The following COL12A1 variants were observed in gnomAD, a reference collection of about 807,000 sequenced individuals.
The protein encoded by COL12A1 is collagen alpha-1(XII) chain.
A neutral mutation model predicts 349.7 loss-of-function variants in COL12A1; 114 were observed. The ratio of observed to expected loss-of-function variants is 0.33; its 90% CI spans 0.28 to 0.38. The LOEUF is 0.38. COL12A1 is among the 10% of genes least tolerant of loss of function. The pLI is 1.00. For synonymous variants in COL12A1, 1,369 were observed against 1,329.0 expected (o/e 1.03, Z -0.66); for missense variants, 3,284 against 3,756.9 (o/e 0.87, Z 3.29).
chr6:75,155,431 A>C (rs1016996120), intron 16 of COL12A1, among the ~76,000 whole-genome samples: 1 of 152,158 alleles, frequency 6.6e-6, no homozygotes, highest in Non-Finnish European at 1.5e-5. Context: ...AAAATTATTA[A>C]ACATTACAAA....
intron 49 of COL12A1, 76 bp from the exon 50 acceptor site, chr6:75,113,820 A>C (rs956125429): frequency 7.0e-5 from 77 of 1,093,522 alleles, no homozygotes; most frequent in Non-Finnish European, 9.5e-5. Context: ...TGATTGCTTT[A>C]ACATCAAGAA....
rs1458327179 is a variant in COL12A1 at position 75,161,525 on chromosome 6, A to G, written c.2983+3982T>C. Among the ~76,000 whole-genome samples, 4 of 152,090 alleles carry G rather than the reference A, an allele frequency of 2.6e-5. No homozygotes were observed. In the South Asian group the frequency reaches 6.2e-4, roughly 24 times the overall value. On this transcript the variant is annotated intron_variant, in intron 14 of 65. Transcript: ENST00000322507. The stretch of plus-strand genomic sequence containing the variant: ...CCTGCCACGTCTGCTCCTTGTTCAA[A>G]AGAGGCCTCCCACAGCCAATATCAT...
intron 56 of COL12A1, among the ~76,000 whole-genome samples, 191 bp from the exon 57 acceptor site, chr6:75,102,243 C>T (rs970516786): frequency 2.0e-5 from 3 of 152,170 alleles, no homozygotes; most frequent in East Asian, 3.8e-4. Flanking sequence ...CTTTAAACTA[C>T]AAATGCTGTG....
At chr6:75,173,048 G>T (rs1379182961) in intron 13 of COL12A1, among the ~76,000 whole-genome samples, 7 of 152,182 alleles carry the variant, frequency 4.6e-5, no homozygotes, top group Non-Finnish European at 8.8e-5. Context: ...TTAGATATCA[G>T]ATCTAAAGTT....
intron 10 of COL12A1, among the ~76,000 whole-genome samples, chr6:75,181,666 A>G (rs951078619): frequency 3.9e-5 from 6 of 152,216 alleles, no homozygotes; most frequent in African/African-American, 1.4e-4. Context: ...CAACAACAAA[A>G]TATGTATTAA....
rs554348257 is a variant in COL12A1, at chr6:75,175,144, C to T, written c.2604G>A (p.Thr868=). 13 of 1,614,010 alleles carry T rather than the reference C, an allele frequency of 8.1e-6. No individual in the cohort carries two copies. The highest frequency in any genetic ancestry group is 5.0e-5 in the Admixed American group (3 of 59,988). Residue 868 remains threonine (T), a synonymous_variant, in exon 13 of 66, where the codon ACG becomes ACA. Coordinates refer to ENST00000322507, the MANE Select transcript of COL12A1 (RefSeq NM_004370.6). ...EVTVRGDTTN[T]VLQGLKEGTQ... The stretch of plus-strand genomic sequence containing the variant: ...TCCCTTCCTTCAATCCCTGCAGCAC[C>T]GTATTGGTTGTATCTCCCCTCACAG...
chr6:75,177,444 A>T (rs1769020408), intron 12 of COL12A1, among the ~76,000 whole-genome samples: 3 of 152,140 alleles, frequency 2.0e-5, no homozygotes, highest in Non-Finnish European at 4.4e-5. Flanking sequence ...AAAATTAATT[A>T]AATAATTAAT....
Position 75,123,414 on chromosome 6 carries a change from A to T in COL12A1, c.6872-10T>A. 1.3e-6 allele frequency: 2 copies of T among 1,542,820 alleles called. No individual in the cohort carries two copies. The highest frequency in any genetic ancestry group is 1.7e-6 in the Non-Finnish European group (2 of 1,142,950). ...TCTGTTGGTTTCACAGCTAAAATTT[A>T]AAAATAATAATTATAAAAACACACC... is the stretch of plus-strand genomic sequence containing the variant. On this transcript the variant is annotated splice_polypyrimidine_tract_variant and intron_variant, in intron 42 of 65. Coordinates refer to ENST00000322507, the MANE Select transcript of COL12A1 (RefSeq NM_004370.6).
chr6:75,091,222 A>C, intron 62 of COL12A1, 101 bp downstream of exon 62: 1 of 924,618 alleles, frequency 1.1e-6, no homozygotes, highest in Admixed American at 2.3e-5. Context: ...AAATGAAATG[A>C]AAGAGAAATC....
intron 20 of COL12A1, 92 bp downstream of exon 20, chr6:75,151,775 T>A (rs911655183): frequency 7.6e-7 from 1 of 1,316,990 alleles, no homozygotes; most frequent in Non-Finnish European, 1.0e-6. Flanking sequence ...ATGGGTATTT[T>A]TTTTCATGCT....
intron 2 of COL12A1, 49 bp from the exon 3 acceptor site, chr6:75,194,996 G>T: frequency 9.6e-7 from 1 of 1,046,502 alleles, no homozygotes; most frequent in Non-Finnish European, 1.4e-6. Flanking sequence ...GTCACAAAAT[G>T]GTCAATTTAA....
intron 13 of COL12A1, among the ~76,000 whole-genome samples, chr6:75,169,337 A>G (rs896674411): frequency 3.3e-5 from 5 of 152,178 alleles, no homozygotes; most frequent in Non-Finnish European, 7.3e-5. Flanking sequence ...GGAAAGAGAG[A>G]GGGAGAAGAA....
At chr6:75,086,630 A>C (rs1360018777) in intron 65 of COL12A1, 73 bp from the exon 66 acceptor site, 1 of 1,068,382 alleles carries the variant, frequency 9.4e-7, no homozygotes, top group African/African-American at 1.7e-5. Context: ...ACATCCATCT[A>C]CGTATGTAAT....
At position 75,148,517 on chromosome 6, in the gene COL12A1, G is replaced by A. The variant is rs1767317341; in HGVS notation, c.4148-20C>T. ...AATCACCTACACATGGAAATAAAGG[G>A]TATACACTTTTCTCATTATTGTAGA... On this transcript the variant is annotated intron_variant, in intron 21 of 65. Transcript: ENST00000322507. The A allele has an allele frequency of 1.2e-6, 2 of 1,603,038 alleles. No homozygotes were observed. Among genetic ancestry groups the A allele is most frequent in the Admixed American group, 1.7e-5 (1 of 59,028 alleles).
rs776781460 is a variant in COL12A1, at chr6:75,183,006, C to A, written c.1891+44G>T. ...ATCCACAATTTTAGAACCAAAAATT[C>A]TTTGTTCATGAAGAAATAACTTTTA... is the stretch of plus-strand genomic sequence containing the variant. On this transcript the variant is annotated intron_variant, in intron 10 of 65. Coordinates refer to ENST00000322507, the MANE Select transcript of COL12A1 (RefSeq NM_004370.6). 9 of 1,531,100 alleles carry A rather than the reference C, an allele frequency of 5.9e-6. No individual in the cohort carries two copies. In the Admixed American group the frequency reaches 8.8e-5, roughly 15 times the overall value. 94.8% of individuals were successfully genotyped at this position (1,531,100 alleles called of 1,614,324 possible). A position where few individuals can be genotyped will look rare whatever the true frequency, so the allele number is the denominator to read the frequency against.
rs117793976 is a variant in COL12A1, at chr6:75,108,106, G to C, written c.8100+912C>G. ...TGATTGATTGATTGATTGAGACAGG[G>C]TCTCAGTCTGTCACCCAGGCTGGAG... On this transcript the variant is annotated intron_variant, in intron 52 of 65. Transcript: ENST00000322507. Among the ~76,000 whole-genome samples, 962 of 151,988 alleles carry C rather than the reference G, an allele frequency of 6.3e-3. 1 individual carries two copies. Among genetic ancestry groups the C allele is most frequent in the Non-Finnish European group, 0.011 (731 of 67,988 alleles).
intron 14 of COL12A1, among the ~76,000 whole-genome samples, chr6:75,160,441 G>A (rs758455171): frequency 6.6e-5 from 10 of 152,152 alleles, no homozygotes; most frequent in African/African-American, 9.7e-5. Flanking sequence ...GCATGGGCTC[G>A]GGTTTCTGCT....
rs1470703983 is a variant in COL12A1, at chr6:75,134,847, T to G, written c.5403A>C (p.Ile1801=). 6.2e-7 allele frequency: 1 copy of G among 1,610,196 alleles called. No homozygotes were observed. The highest frequency in any genetic ancestry group is 2.2e-5 in the East Asian group (1 of 44,834). The change falls in exon 32 of 66, where the codon ATA becomes ATC. Residue 1801 remains isoleucine, a synonymous_variant. Coordinates refer to ENST00000322507, the MANE Select transcript of COL12A1 (RefSeq NM_004370.6). ...TGEGNEQTTT[I]GGRQNSVVLQ... Reference sequence around the variant, plus strand: ...GGACCACACTGTTCTGCCGTCCTCCTATTGTGGTCTTGAGTAAAAAGGGTC... The same window carrying G: ...GGACCACACTGTTCTGCCGTCCTCCGATTGTGGTCTTGAGTAAAAAGGGTC...
intron 30 of COL12A1, among the ~76,000 whole-genome samples, 153 bp downstream of exon 30, chr6:75,138,166 GT>G (rs1443430837): frequency 6.6e-6 from 1 of 152,136 alleles, no homozygotes; most frequent in Non-Finnish European, 1.5e-5. Context: ...GCAAAGCAAA[GT>G]TTTTCAAGAA....
Sources: allele counts gnomAD v4.1 joint callset (sites outside exome capture counted in the v4.1 genomes callset), GRCh38; gene constraint gnomAD v4.1.1; transcripts MANE v1.5; gene names NCBI Gene and HGNC (gene_info 2026-07-23, HGNC 2026-07-21).